GFRA1: variants seen among roughly 807,000 people sequenced by gnomAD.
The protein encoded by GFRA1 is GDNF family receptor alpha-1.
In GFRA1, 16 loss-of-function variants were observed where a neutral mutation model predicts 51.6. That is an observed-to-expected ratio of 0.31 (90% confidence interval 0.21 to 0.47). The LOEUF is 0.47. Among genes scored for constraint, GFRA1 ranks in the 20% least tolerant of loss-of-function variants. The pLI is 1.00. For synonymous variants in GFRA1, 270 were observed against 241.3 expected (o/e 1.12, Z -1.10); for missense variants, 530 against 594.3 (o/e 0.89, Z 1.13).
chr10:116,251,853 G>C (rs1968392818), intron 4 of GFRA1, among the ~76,000 whole-genome samples: 1 of 152,052 alleles, frequency 6.6e-6, no homozygotes, highest in Admixed American at 6.5e-5. Flanking sequence ...CAGTCATGAG[G>C]CTGAGTAAGG....
chr10:116,205,291 A>G (rs1043885215), intron 5 of GFRA1, among the ~76,000 whole-genome samples: 1 of 152,036 alleles, frequency 6.6e-6, no homozygotes, highest in African/African-American at 2.4e-5. Flanking sequence ...AAAAATTTTA[A>G]AAGGGGCCGG....
chr10:116,163,111 T>C (rs1052661233), intron 5 of GFRA1, among the ~76,000 whole-genome samples: 1 of 152,178 alleles, frequency 6.6e-6, no homozygotes, highest in Non-Finnish European at 1.5e-5. Context: ...ATCGATGTAA[T>C]GACCCATAAG....
intron 5 of GFRA1, among the ~76,000 whole-genome samples, chr10:116,136,341 T>A (rs1238337540): frequency 6.6e-6 from 1 of 152,238 alleles, no homozygotes; most frequent in Non-Finnish European, 1.5e-5. Context: ...GTAGCTCCAC[T>A]AATATTTAGC....
intron 5 of GFRA1, among the ~76,000 whole-genome samples, chr10:116,161,347 T>C (rs1421081394): frequency 6.6e-6 from 1 of 152,146 alleles, no homozygotes; most frequent in Non-Finnish European, 1.5e-5. Flanking sequence ...CTCCCAAATA[T>C]GGAGATTCTC....
Position 116,099,478 on chromosome 10 carries a change from T to C in GFRA1, c.771-2714A>G, listed in dbSNP as rs540816219. Among the ~76,000 whole-genome samples the C allele has an allele frequency of 1.6e-4, 24 of 152,280 alleles. No individual in the cohort carries two copies. The East Asian group carries it at 4.6e-3, about 29-fold the overall frequency. ...CATCCCCAGTCACCCTTGTGCCAAA[T>C]GAAATGGGGCAATAGCAATTAACCT... is the stretch of plus-strand genomic sequence containing the variant. On this transcript the variant is annotated intron_variant, in intron 6 of 10. Coordinates refer to ENST00000355422, the MANE Select transcript of GFRA1 (RefSeq NM_005264.8).
intron 3 of GFRA1, among the ~76,000 whole-genome samples, chr10:116,270,270 T>G (rs1393588885): frequency 6.6e-6 from 1 of 152,158 alleles, no homozygotes; most frequent in Non-Finnish European, 1.5e-5. Context: ...CACCAGCTGG[T>G]TCAAGACTCA....
intron 4 of GFRA1, among the ~76,000 whole-genome samples, chr10:116,245,785 AAGAC>A (rs1306416461): frequency 6.6e-6 from 1 of 152,252 alleles, no homozygotes; most frequent in Non-Finnish European, 1.5e-5. Context: ...AAGCCACAAA[AAGAC>A]AGAGAAACCT....
intron 5 of GFRA1, among the ~76,000 whole-genome samples, chr10:116,206,280 A>G (rs1182271602): frequency 6.6e-6 from 1 of 152,224 alleles, no homozygotes; most frequent in African/African-American, 2.4e-5. Context: ...CAGGGGGAGC[A>G]TAATTCATGG....
chr10:116,255,700 G>A, intron 4 of GFRA1: 1 of 1,288,972 alleles, frequency 7.8e-7, no homozygotes, highest in African/African-American at 1.5e-5. Flanking sequence ...TTTCCTTCCT[G>A]CATCCTAGTT....
intron 5 of GFRA1, among the ~76,000 whole-genome samples, chr10:116,148,056 A>ATGTGTGCATGCG (rs5788139): frequency 0.18 from 24,339 of 136,012 alleles, 2,563 homozygotes; most frequent in African/African-American, 0.22. Flanking sequence ...GTGTGCATGC[A>ATGTGTGCATGCG]TGTGTGCATG....
At chr10:116,230,445 G>A (rs1034041841) in intron 4 of GFRA1, among the ~76,000 whole-genome samples, 1 of 152,200 alleles carries the variant, frequency 6.6e-6, no homozygotes, top group Non-Finnish European at 1.5e-5. Context: ...TATGTTGAGT[G>A]GCTTTCCAAG....
intron 5 of GFRA1, among the ~76,000 whole-genome samples, chr10:116,199,694 C>G (rs1964174231): frequency 6.6e-6 from 1 of 152,102 alleles, no homozygotes. Context: ...CATCATTGAC[C>G]AGGGTTGGTA....
At chr10:116,268,285 T>C (rs1969831652) in intron 4 of GFRA1, among the ~76,000 whole-genome samples, 1 of 152,224 alleles carries the variant, frequency 6.6e-6, no homozygotes, top group Non-Finnish European at 1.5e-5. Context: ...TGCCTCAATT[T>C]ATTCATCTAT....
At chr10:116,265,235 G>A (rs912961686) in intron 4 of GFRA1, among the ~76,000 whole-genome samples, 3 of 152,126 alleles carry the variant, frequency 2.0e-5, no homozygotes, top group Admixed American at 2.0e-4. Context: ...AATGATGAGC[G>A]CCAGAAGCTG....
At chr10:116,147,786 A>T (rs1958871317) in intron 5 of GFRA1, among the ~76,000 whole-genome samples, 1 of 152,016 alleles carries the variant, frequency 6.6e-6, no homozygotes, top group Non-Finnish European at 1.5e-5. Flanking sequence ...GACTCTGCAA[A>T]AGGTCTCAGG....
chr10:116,112,751 C>T (rs567433325), intron 6 of GFRA1, among the ~76,000 whole-genome samples: 60 of 152,324 alleles, frequency 3.9e-4, no homozygotes, highest in African/African-American at 1.0e-3. Context: ...AGCCCCGGAG[C>T]GACCGCACAG....
intron 4 of GFRA1, among the ~76,000 whole-genome samples, chr10:116,216,481 A>C (rs1480358343): frequency 6.6e-6 from 1 of 152,218 alleles, no homozygotes; most frequent in Non-Finnish European, 1.5e-5. Context: ...AACCCTCACT[A>C]TTATTACAAT....
chr10:116,092,649 G>A (rs781179194), intron 8 of GFRA1, among the ~76,000 whole-genome samples: 10 of 152,090 alleles, frequency 6.6e-5, no homozygotes, highest in Non-Finnish European at 1.0e-4. Context: ...AGGACACAGG[G>A]GGCCGCAAAA....
At chr10:116,087,150 C>T (rs1230042054) in intron 9 of GFRA1, among the ~76,000 whole-genome samples, 3 of 152,130 alleles carry the variant, frequency 2.0e-5, no homozygotes, top group East Asian at 1.9e-4. Flanking sequence ...CTGATGTTGC[C>T]GGGACAACCC....
Sources: gnomAD v4.1 joint callset for allele counts (sites outside exome capture counted in the v4.1 genomes callset) on GRCh38, gnomAD v4.1.1 for gene constraint, MANE v1.5 for transcripts, NCBI Gene and HGNC (gene_info 2026-07-23, HGNC 2026-07-21) for gene names.